Variants in WDFY2 observed in about 807,000 individuals in gnomAD.
WDFY2 encodes the protein WD repeat and FYVE domain-containing protein 2.
In WDFY2, 36 loss-of-function variants were observed where a neutral mutation model predicts 56.4. The observed-to-expected ratio is 0.64, with a 90% CI of 0.49 to 0.84. WDFY2 has a LOEUF of 0.84. WDFY2 is among the 40% of genes least tolerant of loss of function. The pLI is 0.00. For synonymous variants in WDFY2, 176 were observed against 183.7 expected (o/e 0.96, Z 0.34); for missense variants, 444 against 512.2 (o/e 0.87, Z 1.29).
intron 1 of WDFY2, among the ~76,000 whole-genome samples, chr13:51,610,269 C>G (rs1047196500): frequency 2.0e-5 from 3 of 150,386 alleles, no homozygotes; most frequent in Non-Finnish European, 3.0e-5. Context: ...GGCTAAAAGC[C>G]CACCATCTAT....
chr13:51,655,579 A>C (rs900448501), intron 1 of WDFY2, among the ~76,000 whole-genome samples: 1 of 152,120 alleles, frequency 6.6e-6, no homozygotes, highest in South Asian at 2.1e-4. Flanking sequence ...GTGCTGTTGA[A>C]CTTGGCTTAC....
chr13:51,745,973 C>CTTTTTTTTTTTTTTTTTTT (rs59572351), intron 7 of WDFY2, among the ~76,000 whole-genome samples: 16 of 100,754 alleles, frequency 1.6e-4, no homozygotes, highest in South Asian at 3.5e-4. Flanking sequence ...TTTTCTTTTT[C>CTTTTTTTTTTTTTTTTTTT]TTTTTTTTTT....
intron 1 of WDFY2, among the ~76,000 whole-genome samples, chr13:51,648,566 A>G (rs1183130334): frequency 1.3e-5 from 2 of 152,158 alleles, no homozygotes; most frequent in Non-Finnish European, 2.9e-5. Context: ...GAACTTTGAT[A>G]TAAACACCAC....
intron 1 of WDFY2, chr13:51,588,725 G>C (rs1953990444): frequency 6.6e-6 from 1 of 152,164 alleles, no homozygotes. Context: ...ATTAAGGGTG[G>C]ACAACGGAGC....
In WDFY2 at chr13:51,760,203, C is replaced by T. The variant is rs1202990810; in HGVS notation, c.*434C>T. ...GTCACGTGGCCAGCGGCTTTTTCTT[C>T]TCTTCCCTCTGCACCTACCTGCACC... On this transcript the variant is annotated 3_prime_UTR_variant, in exon 12 of 12. Coordinates refer to ENST00000298125, the MANE Select transcript of WDFY2 (RefSeq NM_052950.4). 6.4e-6 allele frequency: 1 copy of T among 156,076 alleles called. No homozygotes were observed. Among genetic ancestry groups the T allele is most frequent in the Non-Finnish European group, 1.4e-5 (1 of 70,526 alleles). The allele number at this position is 156,076 out of a possible 1,614,324, so 9.7% of individuals were successfully genotyped here. A position where few individuals can be genotyped will look rare whatever the true frequency, so the allele number is the denominator to read the frequency against.
intron 4 of WDFY2, among the ~76,000 whole-genome samples, chr13:51,716,711 AATC>A (rs1952359062): frequency 6.7e-6 from 1 of 150,214 alleles, no homozygotes; most frequent in Non-Finnish European, 1.5e-5. Flanking sequence ...AAAAAAAAAA[AATC>A]AACAAGTGAT....
At chr13:51,712,213 C>T (rs1456418607) in intron 4 of WDFY2, among the ~76,000 whole-genome samples, 4 of 152,124 alleles carry the variant, frequency 2.6e-5, no homozygotes, top group South Asian at 2.1e-4. Flanking sequence ...AACCAAGCAC[C>T]GTATCTTCTC....
chr13:51,662,088 A>C lies in WDFY2; in HGVS notation c.205+1425A>C, dbSNP rs192510117. On this transcript the variant is annotated intron_variant, in intron 2 of 11. Transcript: ENST00000298125. Reference sequence around the variant, plus strand: ...CGGGTTCAAGCGATTCTCCTCCCTCAGCCTCCCGAGTAGCTGAGACTACAG... The same window carrying C: ...CGGGTTCAAGCGATTCTCCTCCCTCCGCCTCCCGAGTAGCTGAGACTACAG... Among the ~76,000 whole-genome samples the C allele has an allele frequency of 3.8e-3, 573 of 152,154 alleles. 4 individuals are homozygous for C. Among genetic ancestry groups the C allele is most frequent in the African/African-American group, 0.012 (504 of 41,508 alleles).
chr13:51,710,868 G>A lies in WDFY2; in HGVS notation c.334+7218G>A, dbSNP rs141540724. Among the ~76,000 whole-genome samples the A allele has an allele frequency of 3.2e-3, 490 of 152,216 alleles. 2 individuals carry two copies. The highest frequency in any genetic ancestry group is 0.011 in the African/African-American group (472 of 41,532). On this transcript the variant is annotated intron_variant, in intron 4 of 11. Coordinates refer to ENST00000298125, the MANE Select transcript of WDFY2 (RefSeq NM_052950.4). ...CATGAAAATGGCCATACTGCCCAGG[G>A]TAATTTATATATTCAATGCCATCTC... is the stretch of plus-strand genomic sequence containing the variant.
At chr13:51,727,583 G>A (rs903843678) in intron 5 of WDFY2, 95 bp from the exon 6 acceptor site, 2 of 1,147,844 alleles carry the variant, frequency 1.7e-6, no homozygotes, top group East Asian at 4.8e-5. Flanking sequence ...CCTCAGATGG[G>A]ATTTGCGTAT....
intron 4 of WDFY2, among the ~76,000 whole-genome samples, chr13:51,714,978 A>G (rs918324757): frequency 1.3e-5 from 2 of 152,154 alleles, no homozygotes; most frequent in Non-Finnish European, 2.9e-5. Flanking sequence ...CAATAAACAT[A>G]TCTAAAAATA....
chr13:51,622,200 G>C (rs1954743176), intron 1 of WDFY2, among the ~76,000 whole-genome samples: 1 of 152,178 alleles, frequency 6.6e-6, no homozygotes, highest in South Asian at 2.1e-4. Context: ...GCTAAGCTTT[G>C]CAATATTTGT....
chr13:51,608,347 T>A (rs1304891537), intron 1 of WDFY2, among the ~76,000 whole-genome samples: 2 of 152,250 alleles, frequency 1.3e-5, no homozygotes, highest in East Asian at 1.9e-4. Flanking sequence ...TCCTATAGGT[T>A]ACCACTCTTA....
chr13:51,650,194 T>G (rs1230889061), intron 1 of WDFY2, among the ~76,000 whole-genome samples: 4 of 152,018 alleles, frequency 2.6e-5, no homozygotes, highest in Non-Finnish European at 4.4e-5. Flanking sequence ...TGAATGGGAG[T>G]TCACTCATGA....
At chr13:51,667,544 A>G (rs1044717084) in intron 2 of WDFY2, among the ~76,000 whole-genome samples, 1 of 152,162 alleles carries the variant, frequency 6.6e-6, no homozygotes, top group Non-Finnish European at 1.5e-5. Context: ...CCAATTATGA[A>G]CTTGGCAGTT....
chr13:51,700,041 G>A (rs551669776), intron 3 of WDFY2, among the ~76,000 whole-genome samples: 1 of 152,246 alleles, frequency 6.6e-6, no homozygotes, highest in African/African-American at 2.4e-5. Flanking sequence ...GCTGTATTTT[G>A]GGTGAAAACA....
rs564856691 is a variant in WDFY2, at chr13:51,744,814, T to C, written c.725+5639T>C. Among the ~76,000 whole-genome samples, 8 of 152,358 alleles carry C rather than the reference T, an allele frequency of 5.3e-5. No individual in the cohort carries two copies. The South Asian group carries it at 1.7e-3, about 32-fold the overall frequency. ...GTGATGTCAGCTGAAACATGAATGT[T>C]AGAAGGTATCTGTTCATTCTTCGTA... On this transcript the variant is annotated intron_variant, in intron 7 of 11. Transcript: ENST00000298125.
Position 51,675,099 on chromosome 13 carries a change from C to T in WDFY2, c.206-71C>T, listed in dbSNP as rs1955863981. 7.1e-6 allele frequency: 10 copies of T among 1,400,878 alleles called. No individual in the cohort carries two copies. The East Asian group carries it at 2.3e-4, about 32-fold the overall frequency. The allele number at this position is 1,400,878 out of a possible 1,614,324, so 86.8% of individuals were successfully genotyped here. A position where few individuals can be genotyped will look rare whatever the true frequency, so the allele number is the denominator to read the frequency against. On this transcript the variant is annotated intron_variant, in intron 2 of 11. Coordinates refer to ENST00000298125, the MANE Select transcript of WDFY2 (RefSeq NM_052950.4). ...GGAAAGTACAGCCCCACACTTTTAG[C>T]TAGTTAGGCACTCCTGAGTCGATGA...
At chr13:51,646,928 A>G (rs1347818614) in intron 1 of WDFY2, among the ~76,000 whole-genome samples, 1 of 152,196 alleles carries the variant, frequency 6.6e-6, no homozygotes, top group African/African-American at 2.4e-5. Context: ...TTGGATGGAA[A>G]GTATTTGGGG....
Sources: gnomAD v4.1 joint callset for allele counts (sites outside exome capture counted in the v4.1 genomes callset) on GRCh38, gnomAD v4.1.1 for gene constraint, MANE v1.5 for transcripts, NCBI Gene and HGNC (gene_info 2026-07-23, HGNC 2026-07-21) for gene names.